Variants in SYT14 observed in about 807,000 individuals in gnomAD.
SYT14 encodes synaptotagmin 14, also known as synaptotagmin-14.
A neutral mutation model predicts 74.2 loss-of-function variants in SYT14; 32 were observed. The observed-to-expected ratio is 0.43, with a 90% confidence interval of 0.33 to 0.58. The LOEUF is 0.58. Among genes scored for constraint, SYT14 ranks in the 20% least tolerant of loss-of-function variants. The probability of loss-of-function intolerance (pLI) is 0.05; values close to 1 mark genes in which losing one functional copy is unlikely to be tolerated. For missense variants in SYT14, 791 were observed against 981.8 expected, an observed-to-expected ratio of 0.81 and a Z score of 2.60; for synonymous variants, 298 against 337.7, an observed-to-expected ratio of 0.88 and a Z score of 1.29.
intron 2 of SYT14, among the ~76,000 whole-genome samples, chr1:209,980,857 G>T (rs1462804345): frequency 2.0e-5 from 3 of 152,168 alleles, no homozygotes; most frequent in Non-Finnish European, 4.4e-5. Flanking sequence ...TAACCTTGTG[G>T]TATGGTTTGA....
chr1:209,940,178 A>G (rs981104850), intron 1 of SYT14, among the ~76,000 whole-genome samples: 3 of 152,146 alleles, frequency 2.0e-5, no homozygotes, highest in Admixed American at 6.5e-5. Flanking sequence ...TGTGCTCCTT[A>G]TCACATAGTA....
chr1:210,000,891 C>G (rs1317614024), intron 2 of SYT14, among the ~76,000 whole-genome samples: 2 of 151,942 alleles, frequency 1.3e-5, no homozygotes, highest in Non-Finnish European at 2.9e-5. Context: ...GGGATGCCTT[C>G]TTTTTAAAAC....
chr1:210,046,455 G>A (rs72649940), intron 5 of SYT14, among the ~76,000 whole-genome samples: 7,648 of 152,060 alleles, frequency 0.05, 1,057 homozygotes, highest in East Asian at 0.42. Context: ...GAATGGTATA[G>A]CTATTACCGT....
chr1:210,064,603 T>G (rs1346029480), intron 5 of SYT14, among the ~76,000 whole-genome samples: 1 of 152,064 alleles, frequency 6.6e-6, no homozygotes, highest in Non-Finnish European at 1.5e-5. Flanking sequence ...TATTATTTCT[T>G]TTTGTGGCTG....
At chr1:210,090,205 T>A (rs2102512263) in intron 5 of SYT14, among the ~76,000 whole-genome samples, 1 of 152,316 alleles carries the variant, frequency 6.6e-6, no homozygotes, top group South Asian at 2.1e-4. Flanking sequence ...TACTTTTGAT[T>A]CAGTTCTAGG....
chr1:210,079,364 CCT>C (rs1387719826), intron 5 of SYT14, among the ~76,000 whole-genome samples: 1 of 151,812 alleles, frequency 6.6e-6, no homozygotes, highest in Admixed American at 6.6e-5. Flanking sequence ...ATGTGACAAA[CCT>C]GCATATGTAC....
chr1:210,096,344 G>A (rs1272677432), intron 6 of SYT14, among the ~76,000 whole-genome samples: 2 of 152,182 alleles, frequency 1.3e-5, no homozygotes, highest in Admixed American at 1.3e-4. Context: ...AAGGACCAAA[G>A]TAAGATGCTC....
exon 7 of SYT14, chr1:210,100,396 A>G: frequency 1.2e-6 from 2 of 1,613,614 alleles, no homozygotes; most frequent in Non-Finnish European, 1.7e-6. Context: ...TTTTTATTTA[A>G]CAAAATTGAA....
At chr1:209,984,189 G>T (rs1234457618) in intron 2 of SYT14, among the ~76,000 whole-genome samples, 1 of 152,180 alleles carries the variant, frequency 6.6e-6, no homozygotes, top group South Asian at 2.1e-4. Flanking sequence ...GGAAGTCAGG[G>T]TCCTTACTGC....
chr1:210,015,772 C>A, exon 4 of SYT14: 1 of 713,164 alleles, frequency 1.4e-6, no homozygotes, highest in Non-Finnish European at 1.9e-6. Context: ...AATGTCATAA[C>A]GTTTAAACCA....
At chr1:210,079,394 A>G (rs1241075003) in intron 5 of SYT14, among the ~76,000 whole-genome samples, 2 of 152,146 alleles carry the variant, frequency 1.3e-5, no homozygotes, top group Admixed American at 6.6e-5. Context: ...GTCTTAAAAA[A>G]AATTCTACCT....
intron 4 of SYT14, among the ~76,000 whole-genome samples, 160 bp from the exon 4 acceptor site, chr1:210,020,879 G>A (rs1457032365): frequency 1.3e-5 from 2 of 149,740 alleles, no homozygotes; most frequent in African/African-American, 2.5e-5. Flanking sequence ...GTGTATATAT[G>A]TGTGCATATA....
At chr1:210,018,430 G>C (rs557021509) in intron 4 of SYT14, among the ~76,000 whole-genome samples, 4 of 152,266 alleles carry the variant, frequency 2.6e-5, no homozygotes, top group African/African-American at 9.6e-5. Flanking sequence ...ACTGTGCCTG[G>C]CCATTCTAGC....
chr1:209,983,409 C>T (rs1199891082), intron 2 of SYT14, among the ~76,000 whole-genome samples: 1 of 152,030 alleles, frequency 6.6e-6, no homozygotes, highest in African/African-American at 2.4e-5. Flanking sequence ...TTTTTTCCCC[C>T]TGCTCCTCAA....
intron 5 of SYT14, among the ~76,000 whole-genome samples, chr1:210,063,947 T>G (rs1014946438): frequency 2.6e-5 from 4 of 151,932 alleles, no homozygotes; most frequent in Admixed American, 6.6e-5. Context: ...AACACCCTCT[T>G]TCCGTTTCTT....
At chr1:210,133,840 CTTTT>C (rs11341932) in intron 7 of SYT14, among the ~76,000 whole-genome samples, 1 of 128,822 alleles carries the variant, frequency 7.8e-6, no homozygotes, top group African/African-American at 2.8e-5. Context: ...CTTATTTACT[CTTTT>C]TTTTTTTTTT....
At chr1:210,008,430 C>T (rs1262333575) in intron 2 of SYT14, among the ~76,000 whole-genome samples, 1 of 151,986 alleles carries the variant, frequency 6.6e-6, no homozygotes, top group Non-Finnish European at 1.5e-5. Context: ...GTGGCGCGAT[C>T]TCAGCTCACT....
At chr1:210,170,643 T>C (rs959687044) in exon 10 of SYT14, 3 of 152,156 alleles carry the variant, frequency 2.0e-5, no homozygotes, top group South Asian at 2.1e-4. Flanking sequence ...TCTGACTTCA[T>C]TGATGATGAT....
chr1:210,025,076 G>A lies in SYT14; in HGVS notation c.1312+3822G>A, dbSNP rs567684213. 2.6e-5 allele frequency among the ~76,000 whole-genome samples: 4 copies of A among 152,278 alleles called. No homozygotes were observed. In the East Asian group the frequency reaches 5.8e-4, roughly 22 times the overall value. On this transcript the variant is annotated intron_variant, in intron 5 of 9. Coordinates refer to ENST00000637265, the Ensembl canonical transcript of SYT14. ...TATTCTCTCCTTATCAACTTTGAGAGTCAGAGAGGTAGTTGGGGGGTTTTG... is the reference window on the plus strand; with the variant it reads ...TATTCTCTCCTTATCAACTTTGAGAATCAGAGAGGTAGTTGGGGGGTTTTG...
Sources: gnomAD v4.1 joint callset for allele counts (sites outside exome capture counted in the v4.1 genomes callset) on GRCh38, gnomAD v4.1.1 for gene constraint, MANE v1.5 for transcripts, NCBI Gene and HGNC (gene_info 2026-07-23, HGNC 2026-07-21) for gene names.